The following SMURF1 variants were observed in gnomAD, a reference collection of about 807,000 sequenced individuals.
SMURF1 encodes the protein E3 ubiquitin-protein ligase SMURF1.
In SMURF1, 44 loss-of-function variants were observed where a neutral mutation model predicts 98.0. The observed-to-expected ratio is 0.45, with a 90% CI of 0.35 to 0.58. SMURF1 has a LOEUF of 0.58. SMURF1 is among the 20% of genes least tolerant of loss of function. SMURF1 has a pLI of 0.00. For synonymous variants in SMURF1, 396 were observed against 374.9 expected (o/e 1.06, Z -0.65); for missense variants, 687 against 938.4 (o/e 0.73, Z 3.50).
Position 99,030,466 on chromosome 7 carries a change from T to G in SMURF1, c.*118A>C, listed in dbSNP as rs562764928. The G allele has an allele frequency of 2.5e-3, 2,129 of 840,358 alleles. 8 individuals are homozygous for G. Among genetic ancestry groups the G allele is most frequent in the Non-Finnish European group, 3.3e-3 (1,694 of 515,560 alleles). 52.1% of individuals were successfully genotyped at this position (840,358 alleles called of 1,614,324 possible). On this transcript the variant is annotated 3_prime_UTR_variant, in exon 18 of 18. Transcript: ENST00000361368. Reference sequence around the variant, plus strand: ...CCAACAGAAAGGAGAGAGACAACCCTTTCCCCTCAGGTGATCTGGAATTCC... The same window carrying G: ...CCAACAGAAAGGAGAGAGACAACCCGTTCCCCTCAGGTGATCTGGAATTCC...
At chr7:99,057,590 G>A in intron 3 of SMURF1, 39 bp from the exon 4 acceptor site, 1 of 1,410,180 alleles carries the variant, frequency 7.1e-7, no homozygotes, top group Non-Finnish European at 9.1e-7. Flanking sequence ...AATTGTGTTT[G>A]GTTTTTTTTG....
At chr7:99,046,237 T>C (rs1795569574) in intron 10 of SMURF1, among the ~76,000 whole-genome samples, 1 of 152,186 alleles carries the variant, frequency 6.6e-6, no homozygotes, top group Non-Finnish European at 1.5e-5. Context: ...TCACATTTGA[T>C]TTCCCACTGA....
At chr7:99,049,898 G>A (rs1484801887) in intron 8 of SMURF1, 189 bp from the exon 9 acceptor site, 3 of 498,368 alleles carry the variant, frequency 6.0e-6, no homozygotes, top group Non-Finnish European at 1.0e-5. Context: ...GCAAACAGCA[G>A]CAACATCCGA....
At chr7:99,142,274 C>T (rs1255778343) in intron 1 of SMURF1, among the ~76,000 whole-genome samples, 1 of 152,160 alleles carries the variant, frequency 6.6e-6, no homozygotes, top group Non-Finnish European at 1.5e-5. Flanking sequence ...GCTTCCAAAG[C>T]CTCCAGTGAG....
rs1196411834 is a variant in SMURF1, at chr7:99,144,049, T to A, written c.-269A>T. On this transcript the variant is annotated 5_prime_UTR_variant, in exon 1 of 18. Coordinates refer to ENST00000361368, the MANE Select transcript of SMURF1 (RefSeq NM_181349.3). ...CGCCTCCGCCGCCGCCTCCGCCGCC[T>A]CCACCACCTCAGAGCCGGACGCCCG... The A allele has an allele frequency of 5.4e-4, 117 of 215,942 alleles. No individual in the cohort carries two copies. The highest frequency in any genetic ancestry group is 1.4e-4 in the Non-Finnish European group (16 of 112,990). 13.4% of individuals were successfully genotyped at this position (215,942 alleles called of 1,614,324 possible).
chr7:99,062,804 C>T (rs1796062869), intron 1 of SMURF1, among the ~76,000 whole-genome samples: 1 of 152,060 alleles, frequency 6.6e-6, no homozygotes, highest in African/African-American at 2.4e-5. Flanking sequence ...GCCAAGATCT[C>T]ACCACTGCAC....
intron 1 of SMURF1, among the ~76,000 whole-genome samples, chr7:99,084,550 T>C (rs1796637658): frequency 6.6e-6 from 1 of 152,176 alleles, no homozygotes; most frequent in Non-Finnish European, 1.5e-5. Flanking sequence ...TATCAAGAAC[T>C]AGCTCACAGA....
intron 15 of SMURF1, among the ~76,000 whole-genome samples, chr7:99,036,669 G>C (rs1430241687): frequency 6.6e-6 from 1 of 152,092 alleles, no homozygotes; most frequent in Non-Finnish European, 1.5e-5. Flanking sequence ...AGTATGACTA[G>C]AGAAGACAGT....
chr7:99,109,647 G>A (rs529428813), intron 1 of SMURF1, among the ~76,000 whole-genome samples: 15 of 152,172 alleles, frequency 9.9e-5, no homozygotes, highest in Admixed American at 2.0e-4. Context: ...CTTTGAACTC[G>A]TATATAACCC....
At chr7:99,114,443 C>A (rs1306691055) in intron 1 of SMURF1, among the ~76,000 whole-genome samples, 2 of 151,896 alleles carry the variant, frequency 1.3e-5, no homozygotes, top group Non-Finnish European at 2.9e-5. Context: ...ATAAAAGAGT[C>A]AAACCATCAA....
At chr7:99,104,622 C>T (rs371071963) in intron 1 of SMURF1, among the ~76,000 whole-genome samples, 5 of 152,308 alleles carry the variant, frequency 3.3e-5, no homozygotes, top group Admixed American at 2.0e-4. Context: ...AATGTGTGAA[C>T]GGTTTCCATG....
chr7:99,095,149 G>A (rs765936566), intron 1 of SMURF1, among the ~76,000 whole-genome samples: 5 of 151,984 alleles, frequency 3.3e-5, no homozygotes, highest in Non-Finnish European at 5.9e-5. Context: ...GCGCGATCTC[G>A]GCTCACTGCA....
At chr7:99,115,777 C>A (rs1797427184) in intron 1 of SMURF1, among the ~76,000 whole-genome samples, 1 of 151,866 alleles carries the variant, frequency 6.6e-6, no homozygotes, top group South Asian at 2.1e-4. Flanking sequence ...AATGAATAGA[C>A]CTATAACAAA....
At chr7:99,090,676 T>C (rs1287110883) in intron 1 of SMURF1, among the ~76,000 whole-genome samples, 2 of 152,230 alleles carry the variant, frequency 1.3e-5, no homozygotes, top group East Asian at 1.9e-4. Flanking sequence ...GAGCAAGCTT[T>C]TGGAGTTCCT....
intron 1 of SMURF1, among the ~76,000 whole-genome samples, chr7:99,124,456 T>G (rs1253556760): frequency 6.6e-6 from 1 of 152,178 alleles, no homozygotes; most frequent in Admixed American, 6.5e-5. Context: ...CTCCAAGCTT[T>G]GGGCATGAAG....
At chr7:99,067,159 G>C (rs368347872) in intron 1 of SMURF1, among the ~76,000 whole-genome samples, 3 of 151,474 alleles carry the variant, frequency 2.0e-5, no homozygotes, top group Non-Finnish European at 4.4e-5. Context: ...CACCATGCCC[G>C]GCTAATTTTT....
At chr7:99,079,589 G>A (rs1174723971) in intron 1 of SMURF1, among the ~76,000 whole-genome samples, 1 of 152,108 alleles carries the variant, frequency 6.6e-6, no homozygotes, top group Non-Finnish European at 1.5e-5. Flanking sequence ...TACATACTAA[G>A]CTACAAAAGA....
At chr7:99,057,308 T>C in intron 4 of SMURF1, 38 bp from the exon 5 acceptor site, 1 of 1,613,986 alleles carries the variant, frequency 6.2e-7, no homozygotes, top group South Asian at 1.1e-5. Context: ...CCAAGGAACG[T>C]GAACTAGGGA....
Position 99,035,534 on chromosome 7 carries a change from T to C in SMURF1, c.1992A>G (p.Gln664=). 1 of 1,614,210 alleles carries C rather than the reference T, an allele frequency of 6.2e-7. No homozygotes were observed. Among genetic ancestry groups the C allele is most frequent in the South Asian group, 1.1e-5 (1 of 91,080 alleles). Residue 664 remains glutamine, a synonymous_variant, in exon 16 of 18, where the codon CAA becomes CAG. Coordinates refer to ENST00000361368, the MANE Select transcript of SMURF1 (RefSeq NM_181349.3). ...AGTCACCTTGCAAAGCCTTGAAGCC[T>C]TGGAGCGGGACTCGCGTGGACCCAG... The part of the protein sequence containing the change: ...FVTGSTRVPL[Q]GFKALQGSTG...
Sources: gnomAD v4.1 joint callset for allele counts (sites outside exome capture counted in the v4.1 genomes callset) on GRCh38, gnomAD v4.1.1 for gene constraint, MANE v1.5 for transcripts, NCBI Gene and HGNC (gene_info 2026-07-23, HGNC 2026-07-21) for gene names.